Variants in CPLANE1 observed in about 807,000 individuals in gnomAD.
CPLANE1 encodes ciliogenesis and planar polarity effector 1.
CPLANE1 carries 263 observed loss-of-function variants against 362.5 expected under a neutral mutation model. That is an observed-to-expected ratio of 0.73 (90% confidence interval 0.66 to 0.80). CPLANE1 has a LOEUF of 0.80. Ranked by LOEUF, CPLANE1 falls within the 30% of genes least tolerant of loss-of-function variation. The pLI is 0.00. For synonymous variants in CPLANE1, 1,212 were observed against 1,302.6 expected, an observed-to-expected ratio of 0.93 and a Z score of 1.50; for missense variants, 3,461 against 3,793.4, an observed-to-expected ratio of 0.91 and a Z score of 2.30.
chr5:37,216,334 G>A (rs894558778), intron 15 of CPLANE1, among the ~76,000 whole-genome samples: 10 of 152,198 alleles, frequency 6.6e-5, no homozygotes, highest in South Asian at 2.1e-4. Flanking sequence ...ACTTGAGTCC[G>A]TCCAGGAGTT....
chr5:37,110,901 G>A (rs1420438561), intron 51 of CPLANE1, among the ~76,000 whole-genome samples: 1 of 145,890 alleles, frequency 6.9e-6, no homozygotes, highest in South Asian at 2.2e-4. Context: ...TCTGCCTCCC[G>A]GGTTCACGCC....
chr5:37,098,195 C>G, the CPLANE1 span, among the ~76,000 whole-genome samples: 1 of 151,718 alleles, frequency 6.6e-6, no homozygotes, highest in Non-Finnish European at 1.5e-5. Context: ...AGTTCGAGAC[C>G]AGCCTGGCCA....
chr5:37,247,120 T>C (rs1406176519), intron 2 of CPLANE1, among the ~76,000 whole-genome samples: 2 of 152,114 alleles, frequency 1.3e-5, no homozygotes, highest in African/African-American at 2.4e-5. Context: ...TAAAGTAGGG[T>C]TGCCTACTTT....
At position 37,180,983 on chromosome 5, in the gene CPLANE1, C is replaced by T. The variant is rs1782525410; in HGVS notation, c.5444G>A (p.Gly1815Glu). Residue 1815 changes from glycine to glutamate, a missense_variant, in exon 27 of 53, where the codon GGG (glycine) becomes GAG (glutamate). Around this residue, in one of 2 missense-constraint regions of CPLANE1, gnomAD observed 3,380 missense variants for 3,666.1 expected, o/e 0.92. Transcript: ENST00000651892. ...CTCAATATTGGGTCCAATCTGACAC[C>T]CAGTGTCACGATTCTCTACCATCTA... ...IIKMVENRDT[G>E]CQIGPNIERE... 1.2e-6 allele frequency: 2 copies of T among 1,613,778 alleles called. No individual in the cohort carries two copies. The highest frequency in any genetic ancestry group is 1.7e-6 in the Non-Finnish European group (2 of 1,179,890).
rs746509188 is a variant in CPLANE1, at chr5:37,201,829, G to C, written c.3290-21C>G. ...GGGATCTATCAAATACAAAAATTTG[G>C]TAAAATAGTTAAAGCTTGTATTAAA... On this transcript the variant is annotated intron_variant, in intron 18 of 52. Transcript: ENST00000651892. The C allele has an allele frequency of 4.5e-6, 7 of 1,544,706 alleles. No individual in the cohort carries two copies. The South Asian group carries it at 8.2e-5, about 18-fold the overall frequency.
At position 37,114,984 on chromosome 5, in the gene CPLANE1, G is replaced by A. The variant is rs759580516; in HGVS notation, c.9376C>T (p.Gln3126Ter). 2 of 1,610,192 alleles carry A rather than the reference G, an allele frequency of 1.2e-6. No individual in the cohort carries two copies. The highest frequency in any genetic ancestry group is 1.7e-6 in the Non-Finnish European group (2 of 1,177,342). Reference protein sequence around the residue: ...GAKAAVRKATQSPVTFQKGSN... With the variant: ...GAKAAVRKAT ...CCTTTTTGGAAGGTAACTGGAGACT[G>A]CGTAGCCTTTCTTACTGCTGCTTTG... The change falls in exon 51 of 53, where the codon CAG becomes TAG. Residue 3126 changes from glutamine (Q) to a stop codon, truncating the protein, a stop_gained. Transcript: ENST00000651892. LOFTEE classifies it high-confidence loss of function.
intron 16 of CPLANE1, among the ~76,000 whole-genome samples, chr5:37,207,716 T>C (rs746913471): frequency 6.6e-6 from 1 of 152,228 alleles, no homozygotes; most frequent in Non-Finnish European, 1.5e-5. Flanking sequence ...AAATTTCTGA[T>C]AGTATTTTAA....
In CPLANE1 at chr5:37,245,784, C is replaced by T. The variant is rs1739435355; in HGVS notation, c.143G>A (p.Gly48Glu). The change falls in exon 3 of 53, where the codon GGA becomes GAA. Residue 48 changes from glycine to glutamate, a missense_variant. Gly to Glu is a moderately conservative substitution (Grantham distance 98, BLOSUM62 -2). Coordinates refer to ENST00000651892, the MANE Select transcript of CPLANE1 (RefSeq NM_001384732.1). ...ACTAGGAATTTTCTTCTTTATCTTTCCTGATAGCAAATTAATTTCATTTAT... is the reference window on the plus strand; with the variant it reads ...ACTAGGAATTTTCTTCTTTATCTTTTCTGATAGCAAATTAATTTCATTTAT... ...KFINEINLLS[G>E]KIKKKIPSLQ... is the part of the protein sequence containing the mutation. The T allele has an allele frequency of 1.3e-6, 2 of 1,533,314 alleles. No individual in the cohort carries two copies. The highest frequency in any genetic ancestry group is 1.8e-6 in the Non-Finnish European group (2 of 1,141,122). The allele number at this position is 1,533,314 out of a possible 1,614,324, so 95.0% of individuals were successfully genotyped here. A position where few individuals can be genotyped will look rare whatever the true frequency, so the allele number is the denominator to read the frequency against.
intron 16 of CPLANE1, among the ~76,000 whole-genome samples, chr5:37,208,937 G>GAA (rs199850875): frequency 9.4e-6 from 1 of 106,108 alleles, no homozygotes; most frequent in Non-Finnish European, 1.8e-5. Flanking sequence ...TTTCACAGAT[G>GAA]AAAAAAAAAA....
intron 37 of CPLANE1, among the ~76,000 whole-genome samples, chr5:37,163,597 T>A (rs545621402): frequency 2.3e-4 from 35 of 152,162 alleles, no homozygotes; most frequent in African/African-American, 8.4e-4. Context: ...TAATGAAAAA[T>A]ATATATTTGG....
At chr5:37,169,658 A>T in intron 33 of CPLANE1, 97 bp from the exon 34 acceptor site, 1 of 979,210 alleles carries the variant, frequency 1.0e-6, no homozygotes, top group South Asian at 1.8e-5. Context: ...GGTAGAATGT[A>T]GTAACTGCTA....
chr5:37,140,714 T>C (rs992521404), intron 44 of CPLANE1: 64 of 985,310 alleles, frequency 6.5e-5, no homozygotes, highest in Non-Finnish European at 7.2e-5. Flanking sequence ...GGGTTAAAGA[T>C]TGAAGTGTTT....
rs750897841 is a variant in CPLANE1, at chr5:37,169,290, C to A, written c.6734G>T (p.Ser2245Ile). Residue 2245 changes from serine to isoleucine, a missense_variant, in exon 34 of 53, where the codon AGT (serine) becomes ATT (isoleucine). Ser to Ile is a moderately radical substitution (Grantham distance 142). Around this residue, in one of 2 missense-constraint regions of CPLANE1, gnomAD observed 3,380 missense variants for 3,666.1 expected, o/e 0.92. Coordinates refer to ENST00000651892, the MANE Select transcript of CPLANE1 (RefSeq NM_001384732.1). ...EFQPLFLHTG[S>I]IPQVPFRPLP... ...AGGCCTGAAGGGAACTTGTGGAATA[C>A]TTCCTGTATGTAAGAAAAGGGGCTG... is the stretch of plus-strand genomic sequence containing the variant. The A allele has an allele frequency of 1.1e-5, 18 of 1,614,054 alleles. No individual in the cohort carries two copies. The highest frequency in any genetic ancestry group is 5.0e-5 in the Admixed American group (3 of 59,996).
chr5:37,108,049 T>C (rs148782643), intron 52 of CPLANE1, among the ~76,000 whole-genome samples: 27 of 152,366 alleles, frequency 1.8e-4, no homozygotes, highest in African/African-American at 6.0e-4. Flanking sequence ...TACGATTTTA[T>C]GTTCTTACAT....
chr5:37,206,807 T>C (rs1790887593), intron 16 of CPLANE1, among the ~76,000 whole-genome samples: 1 of 152,086 alleles, frequency 6.6e-6, no homozygotes, highest in Admixed American at 6.6e-5. Flanking sequence ...GTACAATTTA[T>C]TACCGTGACA....
intron 2 of CPLANE1, 78 bp downstream of exon 2, chr5:37,247,540 A>C (rs932412203): frequency 4.8e-6 from 6 of 1,248,080 alleles, no homozygotes; most frequent in Admixed American, 5.0e-5. Flanking sequence ...TTAAGATCAT[A>C]GAACACTCCT....
the CPLANE1 span, among the ~76,000 whole-genome samples, chr5:37,077,113 C>G: frequency 6.6e-6 from 1 of 152,202 alleles, no homozygotes; most frequent in African/African-American, 2.4e-5. Flanking sequence ...TTGCAGACCT[C>G]TGCTCTAAGG....
rs1783120378 is a variant in CPLANE1, at chr5:37,183,117, T to C, written c.5064A>G (p.Ile1688Met). The change falls in exon 26 of 53, where the codon ATA becomes ATG. Residue 1688 changes from isoleucine (I) to methionine (M), a missense_variant. Coordinates refer to ENST00000651892, the MANE Select transcript of CPLANE1 (RefSeq NM_001384732.1). ...FGLKQRSIYK[I>M]QDDTREKCLI... ...GACATTTCTCTCTAGTGTCATCTTG[T>C]ATTTTGTAAATTGACCTTTGTTTTA... is the stretch of plus-strand genomic sequence containing the variant. 7 of 1,613,216 alleles carry C rather than the reference T, an allele frequency of 4.3e-6. No individual in the cohort carries two copies. The highest frequency in any genetic ancestry group is 1.3e-5 in the African/African-American group (1 of 74,944).
chr5:37,173,971 A>G (rs760222772), intron 31 of CPLANE1, 24 bp from the exon 32 acceptor site: 1 of 1,583,478 alleles, frequency 6.3e-7, no homozygotes, highest in East Asian at 2.2e-5. Context: ...ATTTAAATAA[A>G]AAACATGCAT....
Sources: gnomAD v4.1 joint callset for allele counts (sites outside exome capture counted in the v4.1 genomes callset) on GRCh38, gnomAD v4.1.1 for gene constraint, gnomAD v4.1.1 regional missense constraint, MANE v1.5 for transcripts, NCBI Gene and HGNC (gene_info 2026-07-23, HGNC 2026-07-21) for gene names.